Variants in AGFG1 observed in about 807,000 individuals in gnomAD.
The protein encoded by AGFG1 is arf-GAP domain and FG repeat-containing protein 1.
Under a neutral mutation model 60.6 loss-of-function variants are expected in AGFG1, and 10 were observed. The ratio of observed to expected loss-of-function variants is 0.16; its 90% confidence interval spans 0.10 to 0.28. AGFG1 has a LOEUF of 0.28. Among genes scored for constraint, AGFG1 ranks in the 10% least tolerant of loss-of-function variants. The pLI, the probability that AGFG1 is intolerant of heterozygous loss-of-function variation, is 1.00. For synonymous variants in AGFG1, 247 were observed against 242.9 expected (o/e 1.02, Z -0.16); for missense variants, 537 against 676.5 (o/e 0.79, Z 2.29).
At chr2:227,539,457 A>AAAAAAACC (rs139764867) in intron 10 of AGFG1, among the ~76,000 whole-genome samples, 1 of 129,944 alleles carries the variant, frequency 7.7e-6, no homozygotes, top group Non-Finnish European at 1.6e-5. Context: ...AAAACAAAAA[A>AAAAAAACC]CACATGTTAA....
At chr2:227,537,887 T>A (rs1314308548) in intron 10 of AGFG1, among the ~76,000 whole-genome samples, 1 of 152,192 alleles carries the variant, frequency 6.6e-6, no homozygotes, top group Non-Finnish European at 1.5e-5. Flanking sequence ...TTTTAGTAAA[T>A]CTCTTTGTCA....
In AGFG1 at chr2:227,557,734, T is replaced by G. The variant is rs1460110318; in HGVS notation, c.*3239T>G. On this transcript the variant is annotated 3_prime_UTR_variant, in exon 13 of 13. Transcript: ENST00000310078. ...TTTTATGCATTTAAATCTGGCTTAA[T>G]AAAAGCAGTGAGATTTTCATGCTGC... The G allele has an allele frequency of 2.0e-5, 3 of 152,216 alleles. No homozygotes were observed. Among genetic ancestry groups the G allele is most frequent in the Non-Finnish European group, 4.4e-5 (3 of 68,030 alleles). 9.4% of individuals were successfully genotyped at this position (152,216 alleles called of 1,614,324 possible).
rs1693050793 is a variant in AGFG1, at chr2:227,558,746, G to A, written c.*4251G>A. On this transcript the variant is annotated 3_prime_UTR_variant, in exon 13 of 13. Transcript: ENST00000310078. ...CAACCATCTTTCATGAAAGAAAAAA[G>A]GCCCTGTTTTGTAGCATTTACTAAT... 1 of 152,086 alleles carries A rather than the reference G, an allele frequency of 6.6e-6. No individual in the cohort carries two copies. Among genetic ancestry groups the A allele is most frequent in the Non-Finnish European group, 1.5e-5 (1 of 68,002 alleles). 9.4% of individuals were successfully genotyped at this position (152,086 alleles called of 1,614,324 possible).
intron 2 of AGFG1, among the ~76,000 whole-genome samples, chr2:227,497,103 G>A (rs1690995855): frequency 6.6e-6 from 1 of 152,020 alleles, no homozygotes; most frequent in African/African-American, 2.4e-5. Context: ...AGTAAATATT[G>A]TAGGCTTTGT....
intron 3 of AGFG1, among the ~76,000 whole-genome samples, chr2:227,521,831 C>T (rs1486941860): frequency 6.6e-6 from 1 of 152,154 alleles, no homozygotes. Context: ...AACGCAAATA[C>T]CTAGAAACCT....
chr2:227,507,486 C>T (rs1691355010), intron 2 of AGFG1, among the ~76,000 whole-genome samples: 1 of 151,596 alleles, frequency 6.6e-6, no homozygotes, highest in African/African-American at 2.4e-5. Context: ...GCCTGTAGTC[C>T]CAGCTGCTTG....
At chr2:227,491,771 A>T in intron 2 of AGFG1, 131 bp downstream of exon 2, 1 of 519,594 alleles carries the variant, frequency 1.9e-6, no homozygotes. Context: ...TTATATTTAG[A>T]TATTTTAAAA....
intron 2 of AGFG1, among the ~76,000 whole-genome samples, chr2:227,507,704 G>A (rs1370033607): frequency 4.7e-5 from 7 of 149,070 alleles, no homozygotes; most frequent in African/African-American, 1.5e-4. Flanking sequence ...AGATGCAATA[G>A]TTTTATTCTT....
rs182869936 is a variant in AGFG1, at chr2:227,532,239, T to C, written c.814+1029T>C. The C allele has an allele frequency of 1.5e-5, 22 of 1,491,898 alleles. No individual in the cohort carries two copies. The East Asian group carries it at 4.3e-4, about 29-fold the overall frequency. 92.4% of individuals were successfully genotyped at this position (1,491,898 alleles called of 1,614,324 possible). ...GTTCTGTTGTCAAGTAGGCATCTTA[T>C]ACTAATTTGTATATTTTTGCTATAC... On this transcript the variant is annotated intron_variant, in intron 6 of 12. Coordinates refer to ENST00000310078, the MANE Select transcript of AGFG1 (RefSeq NM_004504.5).
At chr2:227,541,645 G>A (rs548646089) in intron 10 of AGFG1, among the ~76,000 whole-genome samples, 2 of 152,262 alleles carry the variant, frequency 1.3e-5, no homozygotes, top group South Asian at 2.1e-4. Flanking sequence ...CTCCAACTTT[G>A]TTCTTTTTGC....
rs766330564 is a variant in AGFG1, at chr2:227,519,915, A to AT, written c.262-30dup. 23 of 1,328,630 alleles carry AT rather than the reference A, an allele frequency of 1.7e-5. No individual in the cohort carries two copies. In the African/African-American group the frequency reaches 2.7e-4, roughly 16 times the overall value. 82.3% of individuals were successfully genotyped at this position (1,328,630 alleles called of 1,614,324 possible). Reference sequence around the variant, plus strand: ...AAATTTCATTAAGTGAAGATGTTGAATTTAACATATATTTTTTTAATTCTT... The same window carrying AT: ...AAATTTCATTAAGTGAAGATGTTGAATTTTAACATATATTTTTTTAATTCTT... On this transcript the variant is annotated intron_variant, in intron 2 of 12. Coordinates refer to ENST00000310078, the MANE Select transcript of AGFG1 (RefSeq NM_004504.5).
At chr2:227,480,492 C>G (rs909039220) in intron 1 of AGFG1, among the ~76,000 whole-genome samples, 4 of 151,988 alleles carry the variant, frequency 2.6e-5, no homozygotes, top group Non-Finnish European at 5.9e-5. Flanking sequence ...TTTCATCTGT[C>G]AGGTTCAGGT....
intron 7 of AGFG1, among the ~76,000 whole-genome samples, chr2:227,534,619 A>T (rs1315540817): frequency 6.6e-6 from 1 of 152,170 alleles, no homozygotes; most frequent in Non-Finnish European, 1.5e-5. Flanking sequence ...TTTTTGGTAC[A>T]GAGTGTTAAT....
At chr2:227,498,588 C>CT (rs1457565604) in intron 2 of AGFG1, among the ~76,000 whole-genome samples, 1 of 152,114 alleles carries the variant, frequency 6.6e-6, no homozygotes, top group East Asian at 1.9e-4. Context: ...TCAGTAGTAA[C>CT]TTAGTAAAGT....
intron 7 of AGFG1, among the ~76,000 whole-genome samples, chr2:227,534,562 G>A (rs1025865237): frequency 6.6e-6 from 1 of 152,146 alleles, no homozygotes; most frequent in South Asian, 2.1e-4. Flanking sequence ...AGATGTTAAC[G>A]TAAGAGCACT....
chr2:227,524,353 T>C (rs1691920706), intron 4 of AGFG1, among the ~76,000 whole-genome samples: 1 of 152,192 alleles, frequency 6.6e-6, no homozygotes, highest in Non-Finnish European at 1.5e-5. Context: ...TTGTGAAGCA[T>C]GTTGATCATT....
At position 227,490,083 on chromosome 2, in the gene AGFG1, T is replaced by C. The variant is rs532784857; in HGVS notation, c.168-1464T>C. On this transcript the variant is annotated intron_variant, in intron 1 of 12. Coordinates refer to ENST00000310078, the MANE Select transcript of AGFG1 (RefSeq NM_004504.5). ...TCGTCGTCTCGGCCCCCCAAAGTGCTGGGGTTACAGATGTGAACCACAGCA... is the reference window on the plus strand; with the variant it reads ...TCGTCGTCTCGGCCCCCCAAAGTGCCGGGGTTACAGATGTGAACCACAGCA... Among the ~76,000 whole-genome samples the C allele has an allele frequency of 3.9e-5, 6 of 152,196 alleles. No individual in the cohort carries two copies. The South Asian group carries it at 1.3e-3, about 32-fold the overall frequency.
Position 227,484,677 on chromosome 2 carries a change from G to GTTTTTTTTTT in AGFG1, c.168-6869_168-6860dup. ...AAGCTTCTTTAATGAAGATCTCTTA[G>GTTTTTTTTTT]TTTTTTTTTTGTTTTTTTTTTTTTT... On this transcript the variant is annotated intron_variant, in intron 1 of 12. Coordinates refer to ENST00000310078, the MANE Select transcript of AGFG1 (RefSeq NM_004504.5). Among the ~76,000 whole-genome samples, 2 of 115,898 alleles carry GTTTTTTTTTT rather than the reference G, an allele frequency of 1.7e-5. 1 individual carries two copies. The highest frequency in any genetic ancestry group is 5.0e-4 in the East Asian group (2 of 3,964). 76.0% of individuals were successfully genotyped at this position (115,898 alleles called of 152,430 possible). A position where few individuals can be genotyped will look rare whatever the true frequency, so the allele number is the denominator to read the frequency against.
chr2:227,542,174 C>G (rs1419238401), intron 10 of AGFG1, among the ~76,000 whole-genome samples: 1 of 152,146 alleles, frequency 6.6e-6, no homozygotes, highest in Non-Finnish European at 1.5e-5. Context: ...CCTGATTGCC[C>G]TGGCCAGAAG....
Sources: gnomAD v4.1 joint callset for allele counts (sites outside exome capture counted in the v4.1 genomes callset) on GRCh38, gnomAD v4.1.1 for gene constraint, MANE v1.5 for transcripts, NCBI Gene and HGNC (gene_info 2026-07-23, HGNC 2026-07-21) for gene names.